The following AQP9 variants were observed in gnomAD, a reference collection of about 807,000 sequenced individuals.
AQP9 encodes aquaporin-9.
AQP9 carries 19 observed loss-of-function variants against 23.8 expected under a neutral mutation model. The observed-to-expected ratio is 0.80, with a 90% CI of 0.56 to 1.17. The LOEUF (loss-of-function observed/expected upper bound fraction) is 1.17. Ranked by LOEUF, AQP9 falls within the 50% of genes most tolerant of loss-of-function variation. AQP9 has a pLI of 0.00. For synonymous variants in AQP9, 153 were observed against 131.5 expected (o/e 1.16, Z -1.12); for missense variants, 413 against 362.0 (o/e 1.14, Z -1.14).
At chr15:58,181,241 G>A (rs963520426) in intron 5 of AQP9, among the ~76,000 whole-genome samples, 3 of 152,146 alleles carry the variant, frequency 2.0e-5, no homozygotes, top group Non-Finnish European at 2.9e-5. Context: ...TCCCTTCCAT[G>A]GAGTCATTTA....
At chr15:58,143,929 G>T (rs1474734708) in intron 1 of AQP9, among the ~76,000 whole-genome samples, 7 of 152,280 alleles carry the variant, frequency 4.6e-5, no homozygotes. Flanking sequence ...TCTCCAAAGT[G>T]ATTTCAAAGT....
chr15:58,139,002 C>T (rs1280336293), intron 1 of AQP9, among the ~76,000 whole-genome samples: 2 of 152,100 alleles, frequency 1.3e-5, no homozygotes, highest in East Asian at 3.9e-4. Context: ...TTTCATTGAT[C>T]AATTGATTTG....
rs575442870 is a variant in AQP9, at chr15:58,179,356, G to T, written c.713+11G>T. 3.1e-6 allele frequency: 5 copies of T among 1,604,088 alleles called. No individual in the cohort carries two copies. Among genetic ancestry groups the T allele is most frequent in the Non-Finnish European group, 4.3e-6 (5 of 1,174,788 alleles). ...GTTTGAAGTCTTCAGGTAAGTAACA[G>T]TGGTGGGGAAGAGAGAGACAGAGTC... On this transcript the variant is annotated intron_variant, in intron 5 of 5. Coordinates refer to ENST00000219919, the MANE Select transcript of AQP9 (RefSeq NM_020980.5).
At chr15:58,141,808 A>G (rs1353732150) in intron 1 of AQP9, among the ~76,000 whole-genome samples, 1 of 152,226 alleles carries the variant, frequency 6.6e-6, no homozygotes, top group African/African-American at 2.4e-5. Context: ...TTATTATTAC[A>G]AAGTTTGTTC....
intron 1 of AQP9, among the ~76,000 whole-genome samples, chr15:58,157,499 G>GA (rs1428649753): frequency 6.6e-6 from 1 of 152,182 alleles, no homozygotes; most frequent in Admixed American, 6.5e-5. Flanking sequence ...CCTGGTTAGT[G>GA]CCCCCAAATG....
intron 1 of AQP9, among the ~76,000 whole-genome samples, chr15:58,163,090 T>C (rs557664490): frequency 3.3e-5 from 5 of 152,028 alleles, no homozygotes; most frequent in Non-Finnish European, 5.9e-5. Context: ...GTTGGGTGGG[T>C]TGTGCCGATG....
Position 58,181,996 on chromosome 15 carries a change from A to G in AQP9, c.714-1965A>G, listed in dbSNP as rs1048454741. ...CTTGGACCTACACCTAAGGTCTTAG[A>G]AAAAAAACAAGGCTACCTTGTTCCC... is the stretch of plus-strand genomic sequence containing the variant. On this transcript the variant is annotated intron_variant, in intron 5 of 5. Coordinates refer to ENST00000219919, the MANE Select transcript of AQP9 (RefSeq NM_020980.5). Among the ~76,000 whole-genome samples, 27 of 151,950 alleles carry G rather than the reference A, an allele frequency of 1.8e-4. 1 individual carries two copies. In the East Asian group the frequency reaches 4.5e-3, roughly 25 times the overall value.
intron 1 of AQP9, among the ~76,000 whole-genome samples, chr15:58,143,963 T>A (rs921028359): frequency 2.6e-5 from 4 of 152,174 alleles, no homozygotes; most frequent in Non-Finnish European, 5.9e-5. Context: ...GCGACATGAG[T>A]TCCCATTTAT....
chr15:58,170,678 C>T (rs909281631), intron 2 of AQP9, among the ~76,000 whole-genome samples: 1 of 152,168 alleles, frequency 6.6e-6, no homozygotes, highest in Admixed American at 6.5e-5. Flanking sequence ...GCTGAGATTA[C>T]AAGCGTGAGC....
chr15:58,161,829 G>A (rs916599489), intron 1 of AQP9, among the ~76,000 whole-genome samples: 1 of 151,948 alleles, frequency 6.6e-6, no homozygotes, highest in Admixed American at 6.6e-5. Flanking sequence ...TTCAAATCTG[G>A]CACATATCAT....
At chr15:58,156,856 C>G (rs1358336406) in intron 1 of AQP9, among the ~76,000 whole-genome samples, 1 of 152,148 alleles carries the variant, frequency 6.6e-6, no homozygotes, top group Non-Finnish European at 1.5e-5. Flanking sequence ...CAGGATCTGG[C>G]TAAGGGTAGG....
rs1384894589 is a variant in AQP9 at position 58,179,323 on chromosome 15, G to A, written c.691G>A (p.Gly231Ser). The A allele has an allele frequency of 1.9e-6, 3 of 1,613,398 alleles. No individual in the cohort carries two copies. The highest frequency in any genetic ancestry group is 2.7e-5 in the African/African-American group (2 of 74,928). ...LSPRLFTALA[G>S]WGFEVFRAGN... ...TCCCAGACTTTTCACTGCCTTGGCA[G>A]GCTGGGGGTTTGAAGTCTTCAGGTA... Residue 231 changes from glycine (G) to serine (S), a missense_variant, in exon 5 of 6, where the codon GGC becomes AGC. By Grantham distance (56) the Gly-to-Ser change is moderately conservative. Coordinates refer to ENST00000219919, the MANE Select transcript of AQP9 (RefSeq NM_020980.5).
At chr15:58,174,698 G>T (rs760301875) in intron 3 of AQP9, among the ~76,000 whole-genome samples, 1 of 152,180 alleles carries the variant, frequency 6.6e-6, no homozygotes, top group Non-Finnish European at 1.5e-5. Flanking sequence ...GTTTGCAGTG[G>T]GCCATTCAGA....
intron 1 of AQP9, chr15:58,152,467 C>A (rs1369805927): frequency 2.0e-5 from 3 of 152,132 alleles, no homozygotes; most frequent in African/African-American, 7.2e-5. Flanking sequence ...ACCTATCTTT[C>A]TATTATCCTT....
intron 2 of AQP9, among the ~76,000 whole-genome samples, chr15:58,171,834 GATCATCATCATCATC>G (rs34291701): frequency 2.0e-5 from 3 of 149,844 alleles, no homozygotes; most frequent in East Asian, 2.0e-4. Context: ...TTCTGTGCAG[GATCATCATCATCATC>G]ATCATCATCA....
At chr15:58,179,004 C>A in intron 4 of AQP9, 124 bp from the exon 5 acceptor site, 1 of 668,500 alleles carries the variant, frequency 1.5e-6, no homozygotes, top group Middle Eastern at 4.3e-4. Context: ...TATTACTAGG[C>A]ATATTGTAAT....
chr15:58,151,178 T>A (rs1359269251), intron 1 of AQP9: 1 of 152,150 alleles, frequency 6.6e-6, no homozygotes, highest in Non-Finnish European at 1.5e-5. Context: ...CTTATAACTT[T>A]AAATATACAT....
intron 1 of AQP9, among the ~76,000 whole-genome samples, chr15:58,156,524 G>A (rs929987062): frequency 2.6e-5 from 4 of 151,954 alleles, no homozygotes; most frequent in East Asian, 1.9e-4. Flanking sequence ...ATCATTCATC[G>A]AACATAGCGC....
chr15:58,183,874 G>A, intron 5 of AQP9, 87 bp from the exon 6 acceptor site: 1 of 1,448,414 alleles, frequency 6.9e-7, no homozygotes, highest in Non-Finnish European at 9.5e-7. Context: ...ATGAGTGTGA[G>A]AAAGACTAAC....
Sources: allele counts gnomAD v4.1 joint callset (sites outside exome capture counted in the v4.1 genomes callset), GRCh38; gene constraint gnomAD v4.1.1; transcripts MANE v1.5; gene names NCBI Gene and HGNC (gene_info 2026-07-23, HGNC 2026-07-21).